Variants in CLDN10 observed in about 807,000 individuals in gnomAD.
CLDN10 encodes the protein claudin-10.
In CLDN10, 15 loss-of-function variants were observed where a neutral mutation model predicts 22.9. The ratio of observed to expected loss-of-function variants is 0.65; its 90% CI spans 0.44 to 1.01. The LOEUF is 1.01. Among genes scored for constraint, CLDN10 ranks in the 50% least tolerant of loss-of-function variants. The pLI is 0.00. For missense variants in CLDN10, 247 were observed against 287.8 expected, an observed-to-expected ratio of 0.86 and a Z score of 1.03; for synonymous variants, 114 against 111.4, an observed-to-expected ratio of 1.02 and a Z score of -0.15.
rs771521203 is a variant in CLDN10, at chr13:95,577,943, A to C, written c.616A>C (p.Lys206Gln). The change falls in exon 5 of 5, where the codon AAG becomes CAG. Residue 206 changes from lysine to glutamine, a missense_variant. Coordinates refer to ENST00000299339, the MANE Select transcript of CLDN10 (RefSeq NM_006984.5). ...CACATCTGTCATGTCTTCTCGGACA[A>C]AGTATCATGGTGGAGAAGATTTTAA... is the stretch of plus-strand genomic sequence containing the variant. Reference protein sequence around the residue: ...GATSVMSSRTKYHGGEDFKTT... With the variant: ...GATSVMSSRTQYHGGEDFKTT... The C allele has an allele frequency of 6.2e-7, 1 of 1,613,944 alleles. No homozygotes were observed. The highest frequency in any genetic ancestry group is 8.5e-7 in the Non-Finnish European group (1 of 1,179,860).
intron 3 of CLDN10, among the ~76,000 whole-genome samples, chr13:95,565,000 G>A (rs987759965): frequency 1.3e-5 from 2 of 150,696 alleles, no homozygotes; most frequent in East Asian, 1.9e-4. Flanking sequence ...TTTTTCATTC[G>A]AGCTATGACT....
intron 1 of CLDN10, among the ~76,000 whole-genome samples, chr13:95,442,388 G>C (rs2042332545): frequency 6.6e-6 from 1 of 152,156 alleles, no homozygotes; most frequent in South Asian, 2.1e-4. Flanking sequence ...TTGCTCCTTT[G>C]CTGCGTGTCT....
At chr13:95,511,794 TTGTTTGTTTGTGTTC>T (rs1429237291) in intron 1 of CLDN10, among the ~76,000 whole-genome samples, 1 of 17,098 alleles carries the variant, frequency 5.8e-5, no homozygotes, top group Non-Finnish European at 2.7e-4. Flanking sequence ...TTTTTGGTTT[TTGTTTGTTTGTGTTC>T]TGTTTGTATA....
At chr13:95,502,092 T>G (rs1054823571) in intron 1 of CLDN10, among the ~76,000 whole-genome samples, 1 of 152,184 alleles carries the variant, frequency 6.6e-6, no homozygotes, top group Non-Finnish European at 1.5e-5. Context: ...CCCAATCCTT[T>G]AAGCTATAGT....
At chr13:95,464,537 T>C (rs917091609) in intron 1 of CLDN10, among the ~76,000 whole-genome samples, 1 of 152,158 alleles carries the variant, frequency 6.6e-6, no homozygotes, top group Non-Finnish European at 1.5e-5. Flanking sequence ...GTCTTTGCTA[T>C]TGTGAGTAGT....
chr13:95,481,185 AAG>A (rs1485758047), intron 1 of CLDN10, among the ~76,000 whole-genome samples: 1 of 152,178 alleles, frequency 6.6e-6, no homozygotes, highest in Admixed American at 6.5e-5. Flanking sequence ...CTAGATGGGG[AAG>A]AGTTTCCAGG....
At chr13:95,473,721 T>C (rs2042658483) in intron 1 of CLDN10, among the ~76,000 whole-genome samples, 2 of 152,154 alleles carry the variant, frequency 1.3e-5, no homozygotes, top group Admixed American at 1.3e-4. Flanking sequence ...GGACTGAGAA[T>C]TGCATTTCTC....
intron 1 of CLDN10, among the ~76,000 whole-genome samples, chr13:95,514,959 TAC>T (rs1259111174): frequency 2.6e-5 from 4 of 152,128 alleles, no homozygotes; most frequent in Non-Finnish European, 5.9e-5. Context: ...AGATTTGAGA[TAC>T]ACTATGGAAG....
At chr13:95,542,112 A>G (rs1033323942) in intron 1 of CLDN10, among the ~76,000 whole-genome samples, 1 of 152,210 alleles carries the variant, frequency 6.6e-6, no homozygotes, top group African/African-American at 2.4e-5. Context: ...CGAGGTGGGA[A>G]GTGCTACACA....
chr13:95,519,996 T>C (rs910349141), intron 1 of CLDN10, among the ~76,000 whole-genome samples: 1 of 143,276 alleles, frequency 7.0e-6, no homozygotes. Flanking sequence ...TCTGTTTTTC[T>C]TTACAATGTT....
At chr13:95,460,574 C>T (rs542283215) in intron 1 of CLDN10, among the ~76,000 whole-genome samples, 36 of 152,248 alleles carry the variant, frequency 2.4e-4, no homozygotes, top group African/African-American at 6.3e-4. Context: ...ACAAGAACAG[C>T]GTGGGGAAAA....
intron 1 of CLDN10, among the ~76,000 whole-genome samples, chr13:95,458,681 A>G (rs985007081): frequency 3.9e-5 from 6 of 152,308 alleles, no homozygotes; most frequent in Admixed American, 3.3e-4. Context: ...TATGGGGATT[A>G]TGGGGATCAC....
chr13:95,449,233 C>G lies in CLDN10; in HGVS notation c.214+15186C>G, dbSNP rs115769156. 3.7e-3 allele frequency among the ~76,000 whole-genome samples: 557 copies of G among 152,232 alleles called. 4 individuals are homozygous for G. Among genetic ancestry groups the G allele is most frequent in the African/African-American group, 0.013 (546 of 41,546 alleles). ...TACTACCGACCTAGTGACTTAAACT[C>G]TGTCTGTGTTTCAGTTTTTTATTTT... On this transcript the variant is annotated intron_variant, in intron 1 of 4. Transcript: ENST00000376873.
chr13:95,448,157 C>T (rs2042398815), intron 1 of CLDN10, among the ~76,000 whole-genome samples: 1 of 152,038 alleles, frequency 6.6e-6, no homozygotes, highest in African/African-American at 2.4e-5. Flanking sequence ...CAGCTAACTA[C>T]TCATACACAC....
At chr13:95,469,509 T>C (rs2042610722) in intron 1 of CLDN10, among the ~76,000 whole-genome samples, 1 of 152,212 alleles carries the variant, frequency 6.6e-6, no homozygotes, top group African/African-American at 2.4e-5. Context: ...TACTGAACCT[T>C]GAAGGCCACC....
intron 1 of CLDN10, among the ~76,000 whole-genome samples, chr13:95,469,693 G>C (rs928964713): frequency 2.6e-5 from 4 of 152,178 alleles, no homozygotes; most frequent in Admixed American, 6.6e-5. Context: ...TGCTGAAGCG[G>C]ATCATCATGA....
intron 1 of CLDN10, among the ~76,000 whole-genome samples, chr13:95,447,463 C>T (rs879821059): frequency 1.1e-4 from 17 of 152,274 alleles, no homozygotes; most frequent in Admixed American, 1.0e-3. Flanking sequence ...TTTTTCCTCG[C>T]GGCTGATGTC....
At chr13:95,504,746 C>A (rs925434477) in intron 1 of CLDN10, among the ~76,000 whole-genome samples, 1 of 151,976 alleles carries the variant, frequency 6.6e-6, no homozygotes, top group Non-Finnish European at 1.5e-5. Flanking sequence ...CTATGTTGCC[C>A]GGGATGGTCT....
chr13:95,464,739 CT>C (rs35464755), intron 1 of CLDN10, among the ~76,000 whole-genome samples: 45,373 of 149,212 alleles, frequency 0.3, 8,350 homozygotes, highest in Non-Finnish European at 0.41. Flanking sequence ...TGTGTTTTTG[CT>C]TTTTTTTTTG....
Sources: gnomAD v4.1 joint callset for allele counts (sites outside exome capture counted in the v4.1 genomes callset) on GRCh38, gnomAD v4.1.1 for gene constraint, MANE v1.5 for transcripts, NCBI Gene and HGNC (gene_info 2026-07-23, HGNC 2026-07-21) for gene names.